ACP6: variants seen among roughly 807,000 people sequenced by gnomAD.
The protein encoded by ACP6 is lysophosphatidic acid phosphatase type 6.
A neutral mutation model predicts 48.1 loss-of-function variants in ACP6; 48 were observed. That is an observed-to-expected ratio of 1.00 (90% CI 0.79 to 1.27). The LOEUF (loss-of-function observed/expected upper bound fraction) is 1.27, where lower values mean the gene tolerates loss of function less well. Ranked by LOEUF, ACP6 falls within the 50% of genes most tolerant of loss-of-function variation. ACP6 has a pLI of 0.00. For missense variants in ACP6, 485 were observed against 529.1 expected (o/e 0.92, Z 0.82); for synonymous variants, 172 against 204.2 (o/e 0.84, Z 1.34).
chr1:147,667,957 T>C (rs1345412971), intron 1 of ACP6, among the ~76,000 whole-genome samples: 1 of 149,406 alleles, frequency 6.7e-6, no homozygotes, highest in African/African-American at 2.5e-5. Context: ...GTCACTGCAC[T>C]CCAGCCTTGC....
chr1:147,637,996 C>T (rs1301578066), downstream of ACP6, among the ~76,000 whole-genome samples: 3 of 152,292 alleles, frequency 2.0e-5, no homozygotes, highest in Non-Finnish European at 4.4e-5. Context: ...CAACATGGAA[C>T]ACTTCCCTGA....
exon 6 of ACP6, chr1:147,630,936 T>A (rs1553207276): frequency 1.3e-5 from 2 of 152,320 alleles, no homozygotes. Context: ...TATGAAAGTA[T>A]GTAAATAATT....
rs1183445957 is a variant in ACP6, at chr1:147,646,069, A to T, written c.*1354T>A. 1 of 152,188 alleles carries T rather than the reference A, an allele frequency of 6.6e-6. No homozygotes were observed. Among genetic ancestry groups the T allele is most frequent in the Non-Finnish European group, 1.5e-5 (1 of 68,030 alleles). 9.4% of individuals were successfully genotyped at this position (152,188 alleles called of 1,614,324 possible). On this transcript the variant is annotated 3_prime_UTR_variant, in exon 10 of 10. Transcript: ENST00000583509. Reference sequence around the variant, plus strand: ...GAAGTTTTCTTCTGATCTCTTTTAGATTCTTAGTAAAATAGGAAATACAGT... The same window carrying T: ...GAAGTTTTCTTCTGATCTCTTTTAGTTTCTTAGTAAAATAGGAAATACAGT...
chr1:147,659,438 T>C lies in ACP6; in HGVS notation c.437A>G (p.Asp146Gly), dbSNP rs143920833. The C allele has an allele frequency of 5.8e-3, 9,417 of 1,614,178 alleles. 63 individuals carry two copies. Among genetic ancestry groups the C allele is most frequent in the Middle Eastern group, 0.016 (98 of 6,062 alleles). ...GERLRKNYVEDIPFLSPTFNP... is the reference protein window; with the variant it reads ...GERLRKNYVEGIPFLSPTFNP... Reference sequence around the variant, plus strand: ...GAAGGTTGGTGAAAGAAAGGGAATGTCTTCCACATAGTTCTTCCTCAGTCT... The same window carrying C: ...GAAGGTTGGTGAAAGAAAGGGAATGCCTTCCACATAGTTCTTCCTCAGTCT... The change falls in exon 3 of 10, where the codon GAC (aspartate) becomes GGC (glycine). Residue 146 changes from aspartate to glycine, a missense_variant. Coordinates refer to ENST00000583509, the MANE Select transcript of ACP6 (RefSeq NM_016361.5).
At chr1:147,668,759 A>C (rs1046495942) in intron 1 of ACP6, among the ~76,000 whole-genome samples, 1 of 152,244 alleles carries the variant, frequency 6.6e-6, no homozygotes, top group Non-Finnish European at 1.5e-5. Flanking sequence ...GAAACCTGGT[A>C]ATAGAATTAA....
intron 1 of ACP6, 33 bp downstream of exon 1, chr1:147,669,797 C>CCCCA: frequency 6.5e-7 from 1 of 1,535,518 alleles, no homozygotes; most frequent in Non-Finnish European, 8.8e-7. Context: ...ACGGTCCTCG[C>CCCCA]CCCACCAGCC....
chr1:147,663,374 G>A (rs1660641556), intron 1 of ACP6, among the ~76,000 whole-genome samples: 1 of 152,184 alleles, frequency 6.6e-6, no homozygotes, highest in Non-Finnish European at 1.5e-5. Flanking sequence ...AAGCTTTAGT[G>A]ATCTATTGTA....
chr1:147,647,309 T>G lies in ACP6; in HGVS notation c.*114A>C, dbSNP rs2148901949. On this transcript the variant is annotated 3_prime_UTR_variant, in exon 10 of 10. Coordinates refer to ENST00000583509, the MANE Select transcript of ACP6 (RefSeq NM_016361.5). Reference sequence around the variant, plus strand: ...CCCACAGAAAGGAAATATCCTTACATTATATTAAAGTACATTACCCCTTGC... The same window carrying G: ...CCCACAGAAAGGAAATATCCTTACAGTATATTAAAGTACATTACCCCTTGC... 9 of 1,225,462 alleles carry G rather than the reference T, an allele frequency of 7.3e-6. No individual in the cohort carries two copies. In the East Asian group the frequency reaches 2.1e-4, roughly 29 times the overall value. 75.9% of individuals were successfully genotyped at this position (1,225,462 alleles called of 1,614,324 possible).
chr1:147,660,864 T>C (rs1471557876), intron 1 of ACP6, among the ~76,000 whole-genome samples: 1 of 152,212 alleles, frequency 6.6e-6, no homozygotes, highest in East Asian at 1.9e-4. Context: ...GTAAACAAAA[T>C]CCATCAGCTC....
rs140479149 is a variant in ACP6 at position 147,656,331 on chromosome 1, C to T, written c.560-1083G>A. ...CAGCCACAGAACCTCCTCCAACCTA[C>T]GGCTATTATGTAAAGTATAATAATA... On this transcript the variant is annotated intron_variant, in intron 4 of 9. Coordinates refer to ENST00000583509, the MANE Select transcript of ACP6 (RefSeq NM_016361.5). Among the ~76,000 whole-genome samples the T allele has an allele frequency of 1.1e-4, 16 of 152,246 alleles. No homozygotes were observed. In the East Asian group the frequency reaches 1.7e-3, roughly 17 times the overall value.
chr1:147,655,898 A>C (rs1301421802), intron 4 of ACP6, among the ~76,000 whole-genome samples: 5 of 152,240 alleles, frequency 3.3e-5, no homozygotes, highest in African/African-American at 1.2e-4. Context: ...GCCCAAAGAA[A>C]GTGTCCTAAC....
chr1:147,653,136 G>GT (rs1557883421), intron 6 of ACP6, among the ~76,000 whole-genome samples: 1 of 145,640 alleles, frequency 6.9e-6, no homozygotes, highest in African/African-American at 2.5e-5. Flanking sequence ...CTGTTTTACT[G>GT]GTTTTTTTTT....
chr1:147,638,727 A>G (rs926636029), downstream of ACP6, among the ~76,000 whole-genome samples: 3 of 152,218 alleles, frequency 2.0e-5, no homozygotes, highest in African/African-American at 4.8e-5. Flanking sequence ...CATCTTGTCC[A>G]CAAATATACT....
At chr1:147,634,564 C>A (rs1388218121) in intron 5 of ACP6, among the ~76,000 whole-genome samples, 12 of 152,156 alleles carry the variant, frequency 7.9e-5, no homozygotes, top group Non-Finnish European at 1.6e-4. Flanking sequence ...GTGTTGTCTT[C>A]TAAGATTTTA....
intron 3 of ACP6, 135 bp downstream of exon 3, chr1:147,659,261 T>C: frequency 3.1e-6 from 4 of 1,289,532 alleles, no homozygotes; most frequent in Non-Finnish European, 4.3e-6. Flanking sequence ...TCCTGTGACA[T>C]AAGGGTATGC....
chr1:147,647,041 G>A lies in ACP6; in HGVS notation c.*382C>T, dbSNP rs1407974487. The A allele has an allele frequency of 5.5e-6, 1 of 183,376 alleles. No individual in the cohort carries two copies. The highest frequency in any genetic ancestry group is 2.4e-5 in the African/African-American group (1 of 41,894). 11.4% of individuals were successfully genotyped at this position (183,376 alleles called of 1,614,324 possible). A position where few individuals can be genotyped will look rare whatever the true frequency, so the allele number is the denominator to read the frequency against. On this transcript the variant is annotated 3_prime_UTR_variant, in exon 10 of 10. Coordinates refer to ENST00000583509, the MANE Select transcript of ACP6 (RefSeq NM_016361.5). Reference sequence around the variant, plus strand: ...CTCTCCCACTGGACTGCAACAACTTGAGGGCAGAGTGTTTTCACCTTTATA... The same window carrying A: ...CTCTCCCACTGGACTGCAACAACTTAAGGGCAGAGTGTTTTCACCTTTATA...
chr1:147,658,840 A>C, intron 4 of ACP6, 120 bp downstream of exon 4: 1 of 910,192 alleles, frequency 1.1e-6, no homozygotes, highest in African/African-American at 1.7e-5. Context: ...ACACACTGGA[A>C]GTCACACATG....
intron 8 of ACP6, 124 bp downstream of exon 8, chr1:147,650,019 T>C (rs1379411029): frequency 1.3e-6 from 1 of 745,538 alleles, no homozygotes; most frequent in East Asian, 3.0e-5. Context: ...TTGAGGCCTG[T>C]TAAACATCTA....
rs147986962 is a variant in ACP6 at position 147,670,230 on chromosome 1, C to G, written c.-182G>C. ...CCCTGAGGGAGACCCCGAGTGGGAA[C>G]GGGGGAGAGAACAAGAGGTGGCAGC... On this transcript the variant is annotated 5_prime_UTR_variant, in exon 1 of 10. Coordinates refer to ENST00000583509, the MANE Select transcript of ACP6 (RefSeq NM_016361.5). The G allele has an allele frequency of 7.4e-5, 43 of 584,596 alleles. No individual in the cohort carries two copies. The East Asian group carries it at 1.1e-3, about 15-fold the overall frequency. The allele number at this position is 584,596 out of a possible 1,614,324, so 36.2% of individuals were successfully genotyped here.
Sources: gnomAD v4.1 joint callset for allele counts (sites outside exome capture counted in the v4.1 genomes callset) on GRCh38, gnomAD v4.1.1 for gene constraint, MANE v1.5 for transcripts, NCBI Gene and HGNC (gene_info 2026-07-23, HGNC 2026-07-21) for gene names.